Variants in SUGCT observed in about 807,000 individuals in gnomAD.
SUGCT encodes succinyl-CoA:glutarate-CoA transferase, also known as succinyl-CoA:glutarate CoA-transferase.
A neutral mutation model predicts 55.0 loss-of-function variants in SUGCT; 41 were observed. That is an observed-to-expected ratio of 0.74 (90% CI 0.58 to 0.97). The LOEUF is 0.97. SUGCT is among the 50% of genes least tolerant of loss of function. SUGCT has a pLI of 0.00. For synonymous variants in SUGCT, 187 were observed against 200.4 expected, an observed-to-expected ratio of 0.93 and a Z score of 0.56; for missense variants, 568 against 547.8, an observed-to-expected ratio of 1.04 and a Z score of -0.37.
chr7:40,495,792 A>G (rs1164392631), intron 11 of SUGCT, among the ~76,000 whole-genome samples: 1 of 152,232 alleles, frequency 6.6e-6, no homozygotes, highest in African/African-American at 2.4e-5. Context: ...AGTAAATCAC[A>G]GTGCAAAGGT....
chr7:40,739,816 A>T (rs1465381732), intron 12 of SUGCT, among the ~76,000 whole-genome samples: 1 of 152,154 alleles, frequency 6.6e-6, no homozygotes, highest in Non-Finnish European at 1.5e-5. Flanking sequence ...GGTGTTTAGC[A>T]GTTATATAGT....
rs192347236 is a variant in SUGCT at position 40,372,158 on chromosome 7, T to C, written c.816+55303T>C. ...TTTTTTTGACGCTCTTCCTGTATTC[T>C]TCCAAGTCCAGTAATGGAATAAGAG... On this transcript the variant is annotated intron_variant, in intron 9 of 13. Coordinates refer to ENST00000335693, the MANE Select transcript of SUGCT (RefSeq NM_001193313.2). 1.2e-4 allele frequency among the ~76,000 whole-genome samples: 19 copies of C among 152,128 alleles called. No individual in the cohort carries two copies. In the East Asian group the frequency reaches 3.5e-3, roughly 28 times the overall value.
At chr7:40,315,546 T>C (rs544288015) in intron 8 of SUGCT, among the ~76,000 whole-genome samples, 30 of 152,310 alleles carry the variant, frequency 2.0e-4, no homozygotes, top group Admixed American at 1.6e-3. Context: ...TGAGTTTAAG[T>C]CCCAAGAATA....
chr7:40,596,006 A>C (rs2151744065), intron 12 of SUGCT, among the ~76,000 whole-genome samples: 1 of 152,364 alleles, frequency 6.6e-6, no homozygotes, highest in African/African-American at 2.4e-5. Context: ...AAGAACAAAT[A>C]GTTTCATTTC....
At chr7:40,330,482 AT>A (rs34591113) in intron 9 of SUGCT, among the ~76,000 whole-genome samples, 12 of 149,966 alleles carry the variant, frequency 8.0e-5, no homozygotes, top group African/African-American at 1.7e-4. Context: ...AGAAGATCCG[AT>A]TTTTTTTTTT....
intron 13 of SUGCT, among the ~76,000 whole-genome samples, chr7:40,814,789 G>A (rs1791589413): frequency 6.6e-6 from 1 of 151,804 alleles, no homozygotes; most frequent in African/African-American, 2.4e-5. Context: ...TTCTTGCAGT[G>A]GTTCCTTCTC....
At chr7:40,360,861 T>C (rs1309393017) in intron 9 of SUGCT, among the ~76,000 whole-genome samples, 1 of 151,984 alleles carries the variant, frequency 6.6e-6, no homozygotes, top group Non-Finnish European at 1.5e-5. Flanking sequence ...ATTTTGACAA[T>C]AGTGTGGAAC....
chr7:40,722,743 T>C (rs1286176528), intron 12 of SUGCT, among the ~76,000 whole-genome samples: 1 of 152,232 alleles, frequency 6.6e-6, no homozygotes, highest in African/African-American at 2.4e-5. Flanking sequence ...TTCTCTAAGC[T>C]GAATTACCAT....
intron 12 of SUGCT, among the ~76,000 whole-genome samples, chr7:40,575,979 A>T (rs62451207): frequency 0.12 from 17,767 of 151,540 alleles, 1,380 homozygotes; most frequent in South Asian, 0.22. Context: ...AAAGAGTTGT[A>T]TGTAACTGTG....
intron 13 of SUGCT, among the ~76,000 whole-genome samples, chr7:40,800,051 T>C (rs1790733276): frequency 6.6e-6 from 1 of 152,150 alleles, no homozygotes; most frequent in African/African-American, 2.4e-5. Context: ...AAGCAGACGT[T>C]TGTTTTCATT....
At chr7:40,440,250 C>T (rs1788440929) in intron 9 of SUGCT, among the ~76,000 whole-genome samples, 2 of 146,662 alleles carry the variant, frequency 1.4e-5, no homozygotes, top group South Asian at 2.2e-4. Flanking sequence ...ACCTCTGCTT[C>T]CCGGGTTGAA....
intron 9 of SUGCT, among the ~76,000 whole-genome samples, chr7:40,445,289 G>T (rs1788758273): frequency 6.6e-6 from 1 of 152,028 alleles, no homozygotes; most frequent in African/African-American, 2.4e-5. Context: ...GAATCAAATA[G>T]ACGCAATAAA....
intron 7 of SUGCT, among the ~76,000 whole-genome samples, chr7:40,259,800 A>C (rs1309334485): frequency 6.6e-6 from 1 of 152,156 alleles, no homozygotes; most frequent in Non-Finnish European, 1.5e-5. Flanking sequence ...TTTGTATCAC[A>C]AATTTCTTGA....
At chr7:40,623,735 T>TAC (rs775323095) in intron 12 of SUGCT, among the ~76,000 whole-genome samples, 10 of 151,850 alleles carry the variant, frequency 6.6e-5, no homozygotes, top group Middle Eastern at 3.4e-3. Flanking sequence ...TACACACACA[T>TAC]ACACACACAC....
intron 12 of SUGCT, among the ~76,000 whole-genome samples, chr7:40,680,048 A>T (rs537358799): frequency 7.3e-4 from 111 of 152,310 alleles, no homozygotes; most frequent in African/African-American, 2.5e-3. Context: ...TGGACCCTTC[A>T]GCTTTTTAAG....
chr7:40,804,562 C>A (rs1790989578), intron 13 of SUGCT, among the ~76,000 whole-genome samples: 1 of 134,746 alleles, frequency 7.4e-6, no homozygotes, highest in Non-Finnish European at 1.6e-5. Flanking sequence ...CGGGCCATTA[C>A]CCTTCTCAGA....
chr7:40,863,918 G>A (rs1214356307), downstream of SUGCT, among the ~76,000 whole-genome samples: 1 of 151,950 alleles, frequency 6.6e-6, no homozygotes, highest in East Asian at 1.9e-4. Flanking sequence ...AAGATGAAGA[G>A]ATGCAGAAAA....
At chr7:40,683,980 T>C in intron 12 of SUGCT, 1 of 1,583,294 alleles carries the variant, frequency 6.3e-7, no homozygotes, top group Non-Finnish European at 8.6e-7. Flanking sequence ...TCCTTGATCA[T>C]GTGTGTTACT....
intron 11 of SUGCT, among the ~76,000 whole-genome samples, chr7:40,467,817 T>G (rs1378602313): frequency 6.6e-6 from 1 of 152,168 alleles, no homozygotes; most frequent in Admixed American, 6.5e-5. Flanking sequence ...AAGCAAAGCA[T>G]GACATTTTCA....
Sources: allele counts gnomAD v4.1 joint callset (sites outside exome capture counted in the v4.1 genomes callset), GRCh38; gene constraint gnomAD v4.1.1; transcripts MANE v1.5; gene names NCBI Gene and HGNC (gene_info 2026-07-23, HGNC 2026-07-21).